Variants in KCTD19 observed in about 807,000 individuals in gnomAD.
KCTD19 encodes BTB/POZ domain-containing protein KCTD19.
KCTD19 carries 67 observed loss-of-function variants against 103.5 expected under a neutral mutation model. The ratio of observed to expected loss-of-function variants is 0.65; its 90% CI spans 0.53 to 0.79. KCTD19 has a LOEUF of 0.79. Among genes scored for constraint, KCTD19 ranks in the 30% least tolerant of loss-of-function variants. The pLI is 0.00. For missense variants in KCTD19, 980 were observed against 1,136.1 expected (o/e 0.86, Z 1.98); for synonymous variants, 439 against 452.2 (o/e 0.97, Z 0.37).
intron 6 of KCTD19, among the ~76,000 whole-genome samples, chr16:67,298,854 G>C (rs1245348453): frequency 6.6e-6 from 1 of 152,208 alleles, no homozygotes; most frequent in Non-Finnish European, 1.5e-5. Context: ...CTGCACTAAT[G>C]AGGACATCCT....
chr16:67,320,838 G>T lies in KCTD19; in HGVS notation c.51C>A (p.Phe17Leu). 1 of 1,614,074 alleles carries T rather than the reference G, an allele frequency of 6.2e-7. No individual in the cohort carries two copies. Among genetic ancestry groups the T allele is most frequent in the South Asian group, 1.1e-5 (1 of 91,078 alleles). ...CTGAGAAATGCCAGCCCCCTACGTT[G>T]AAATGAAACAAGTCCTCTGCTGATT... Reference protein sequence around the residue: ...AHESAEDLFHFNVGGWHFSVP... With the variant: ...AHESAEDLFHLNVGGWHFSVP... The change falls in exon 2 of 16, where the codon TTC (phenylalanine) becomes TTA (leucine). Residue 17 changes from phenylalanine to leucine, a missense_variant. Transcript: ENST00000304372. The surrounding 1 kb of genome is among the most constrained non-coding windows in gnomAD (Gnocchi z 4.0).
rs1443857124 is a variant in KCTD19 at position 67,294,045 on chromosome 16, C to T, written c.1717G>A (p.Val573Met). Residue 573 changes from valine (V) to methionine (M), a missense_variant, in exon 12 of 16, where the codon GTG becomes ATG. By Grantham distance (21) the Val-to-Met change is conservative. Transcript: ENST00000304372. ...EAEQYTRPIQVSLCRNAKRAG... is the reference protein window; with the variant it reads ...EAEQYTRPIQMSLCRNAKRAG... Reference sequence around the variant, plus strand: ...CTCTTGGCATTTCGGCATAGGGACACCTGGATGGGCCGAGTGTACTGCTCA... The same window carrying T: ...CTCTTGGCATTTCGGCATAGGGACATCTGGATGGGCCGAGTGTACTGCTCA... 4.3e-6 allele frequency: 7 copies of T among 1,614,190 alleles called. No individual in the cohort carries two copies. The highest frequency in any genetic ancestry group is 5.1e-6 in the Non-Finnish European group (6 of 1,180,036).
chr16:67,304,514 G>T lies in KCTD19; in HGVS notation c.358C>A (p.Pro120Thr). 1 of 1,613,988 alleles carries T rather than the reference G, an allele frequency of 6.2e-7. No individual in the cohort carries two copies. Among genetic ancestry groups the T allele is most frequent in the Non-Finnish European group, 8.5e-7 (1 of 1,179,870 alleles). The change falls in exon 3 of 16, where the codon CCT becomes ACT. Residue 120 changes from proline (P) to threonine (T), a missense_variant. Coordinates refer to ENST00000304372, the MANE Select transcript of KCTD19 (RefSeq NM_001100915.3). ...HHLRVRPADLPVAERASLNYW... is the reference protein window; with the variant it reads ...HHLRVRPADLTVAERASLNYW... ...TTCAGAGATGCTCTCTCAGCAACAG[G>T]TAGGTCTGCAGGCCGTACGCGTAGA...
intron 2 of KCTD19, among the ~76,000 whole-genome samples, chr16:67,307,077 G>A (rs2036900972): frequency 3.9e-5 from 6 of 151,958 alleles, no homozygotes; most frequent in Admixed American, 3.9e-4. Flanking sequence ...TCATATTTTT[G>A]GGGTACATGT....
intron 2 of KCTD19, among the ~76,000 whole-genome samples, chr16:67,312,475 G>A (rs906290571): frequency 1.3e-5 from 2 of 152,114 alleles, no homozygotes; most frequent in African/African-American, 2.4e-5. Flanking sequence ...CCAGATTCAT[G>A]GATTTACATA....
chr16:67,302,140 G>A, intron 4 of KCTD19: 1 of 439,142 alleles, frequency 2.3e-6, no homozygotes, highest in Non-Finnish European at 4.2e-6. Flanking sequence ...GGCCGTGGGT[G>A]TGGCCTCCCG....
Position 67,293,290 on chromosome 16 carries a change from A to G in KCTD19, c.2218+254T>C, listed in dbSNP as rs538116491. Among the ~76,000 whole-genome samples, 9 of 152,098 alleles carry G rather than the reference A, an allele frequency of 5.9e-5. No homozygotes were observed. The highest frequency in any genetic ancestry group is 2.2e-4 in the African/African-American group (9 of 41,474). ...TTCCCCTGCTGACTCCCCAGCCCTC[A>G]GCCTCTTTTGTGCTCCTGCTTCATA... On this transcript the variant is annotated intron_variant, in intron 12 of 15. Transcript: ENST00000304372. The surrounding 1 kb of genome is among the most constrained non-coding windows in gnomAD (Gnocchi z 4.0).
intron 5 of KCTD19, 32 bp downstream of exon 5, chr16:67,301,759 C>G (rs759032535): frequency 6.2e-6 from 10 of 1,609,612 alleles, no homozygotes; most frequent in Non-Finnish European, 8.5e-6. Context: ...CCAAGACTGT[C>G]GAGGGGGAGC....
chr16:67,290,704 G>A (rs945864085), intron 15 of KCTD19, among the ~76,000 whole-genome samples, 181 bp downstream of exon 15: 1 of 152,242 alleles, frequency 6.6e-6, no homozygotes, highest in South Asian at 2.1e-4. Flanking sequence ...CCTGAATACT[G>A]CTTTTGGACT....
chr16:67,308,554 C>T (rs2036918087), intron 2 of KCTD19, among the ~76,000 whole-genome samples: 1 of 152,252 alleles, frequency 6.6e-6, no homozygotes, highest in Non-Finnish European at 1.5e-5. Flanking sequence ...TCCAAAAACA[C>T]ATCACGTTCT....
At chr16:67,326,612 G>T in intron 1 of KCTD19, 93 bp downstream of exon 1, 1 of 1,511,578 alleles carries the variant, frequency 6.6e-7, no homozygotes, top group South Asian at 1.2e-5. Flanking sequence ...CCCAGAGCCA[G>T]GTCTCGAACC....
chr16:67,297,626 T>C lies in KCTD19; in HGVS notation c.1024A>G (p.Thr342Ala). The change falls in exon 7 of 16, where the codon ACC becomes GCC. Residue 342 changes from threonine to alanine, a missense_variant. By Grantham distance (58) the Thr-to-Ala change is moderately conservative. Transcript: ENST00000304372. ...LGTCRLPLTE[T>A]ISEVYELCAF... ...CAGAGCTCATATACCTCGGAAATGG[T>C]CTCTGTCAGGGGCAGCCGGCAAGTC... is the stretch of plus-strand genomic sequence containing the variant. 6.2e-7 allele frequency: 1 copy of C among 1,614,002 alleles called. No individual in the cohort carries two copies. The highest frequency in any genetic ancestry group is 8.5e-7 in the Non-Finnish European group (1 of 1,179,998).
rs186105104 is a variant in KCTD19 at position 67,310,269 on chromosome 16, C to T, written c.301-5698G>A. Among the ~76,000 whole-genome samples the T allele has an allele frequency of 8.3e-4, 127 of 152,276 alleles. 1 individual carries two copies. The highest frequency in any genetic ancestry group is 6.8e-3 in the Middle Eastern group (2 of 294). ...GGACCTTGGCTGTTTTGTCCTCTGC[C>T]GTATTTGCAGCACCTAAAACAAGGC... On this transcript the variant is annotated intron_variant, in intron 2 of 15. Coordinates refer to ENST00000304372, the MANE Select transcript of KCTD19 (RefSeq NM_001100915.3).
intron 2 of KCTD19, among the ~76,000 whole-genome samples, chr16:67,315,052 A>G (rs1676856728): frequency 6.6e-6 from 1 of 151,354 alleles, no homozygotes; most frequent in South Asian, 2.1e-4. Flanking sequence ...GTAGAGTTGG[A>G]GTCTCACTTT....
chr16:67,307,242 G>A (rs1021016137), intron 2 of KCTD19, among the ~76,000 whole-genome samples: 1 of 150,968 alleles, frequency 6.6e-6, no homozygotes, highest in African/African-American at 2.4e-5. Context: ...TTGACCTACT[G>A]GGCTCAACTG....
Position 67,294,633 on chromosome 16 carries a change from C to T in KCTD19, c.1537G>A (p.Val513Met), listed in dbSNP as rs752476629. Reference sequence around the variant, plus strand: ...AGTGACCCTGGCCCTTCTGTCACCACATGCAGCCTCCTGATGGAAAAAGCT... The same window carrying T: ...AGTGACCCTGGCCCTTCTGTCACCATATGCAGCCTCCTGATGGAAAAAGCT... ...EEAFSIRRLH[V>M]VTEGPGSLVE... is the part of the protein sequence containing the mutation. The change falls in exon 11 of 16, where the codon GTG becomes ATG. Residue 513 changes from valine (V) to methionine (M), a missense_variant. Coordinates refer to ENST00000304372, the MANE Select transcript of KCTD19 (RefSeq NM_001100915.3). The T allele has an allele frequency of 2.5e-6, 4 of 1,614,194 alleles. No individual in the cohort carries two copies. The highest frequency in any genetic ancestry group is 3.4e-6 in the Non-Finnish European group (4 of 1,180,022).
rs1488781051 is a variant in KCTD19 at position 67,296,242 on chromosome 16, T to C, written c.1165A>G (p.Ile389Val). ...MDVLNEWTAE[I>V]TVYSPQQIIK... ...ATCTGTTGTGGGGAATACACAGTGA[T>C]CTCTGCCGTCCACTCATCTATGGGA... Residue 389 changes from isoleucine (I) to valine (V), a missense_variant, in exon 8 of 16, where the codon ATC (isoleucine) becomes GTC (valine). By Grantham distance (29) the Ile-to-Val change is conservative (BLOSUM62 3). Coordinates refer to ENST00000304372, the MANE Select transcript of KCTD19 (RefSeq NM_001100915.3). 5 of 1,612,436 alleles carry C rather than the reference T, an allele frequency of 3.1e-6. No homozygotes were observed. Among genetic ancestry groups the C allele is most frequent in the Non-Finnish European group, 8.5e-7 (1 of 1,178,536 alleles).
At position 67,326,723 on chromosome 16, in the gene KCTD19, A is replaced by G. The variant is rs1567458292; in HGVS notation, c.-16T>C. 1.3e-6 allele frequency: 2 copies of G among 1,574,258 alleles called. No individual in the cohort carries two copies. Among genetic ancestry groups the G allele is most frequent in the East Asian group, 2.5e-5 (1 of 39,856 alleles). Reference sequence around the variant, plus strand: ...TCCGTACCATGGTCGCGGCTCCAGCAGCGGGCGGGCGGGCTTGTGACCCGG... The same window carrying G: ...TCCGTACCATGGTCGCGGCTCCAGCGGCGGGCGGGCGGGCTTGTGACCCGG... On this transcript the variant is annotated 5_prime_UTR_variant, in exon 1 of 16. Coordinates refer to ENST00000304372, the MANE Select transcript of KCTD19 (RefSeq NM_001100915.3).
Position 67,303,148 on chromosome 16 carries a change from A to G in KCTD19, c.641T>C (p.Ile214Thr), listed in dbSNP as rs751396122. Reference protein sequence around the residue: ...IECECSEFRFIVNFLRSQKIL... With the variant: ...IECECSEFRFTVNFLRSQKIL... Reference sequence around the variant, plus strand: ...CCCACCCCGGACAGAGCAATCACCAATGAAGCGGAACTCGCTGCACTCGCA... The same window carrying G: ...CCCACCCCGGACAGAGCAATCACCAGTGAAGCGGAACTCGCTGCACTCGCA... Residue 214 changes from isoleucine to threonine, a missense_variant and splice_region_variant, in exon 4 of 16, where the codon ATT (isoleucine) becomes ACT (threonine). By Grantham distance (89) the Ile-to-Thr change is moderately conservative (BLOSUM62 -1). Coordinates refer to ENST00000304372, the MANE Select transcript of KCTD19 (RefSeq NM_001100915.3). This position sits in a 1 kb window ranked among gnomAD's most constrained non-coding sequence, Gnocchi z 4.3. The G allele has an allele frequency of 1.5e-6, 2 of 1,323,560 alleles. No individual in the cohort carries two copies. The highest frequency in any genetic ancestry group is 2.0e-6 in the Non-Finnish European group (2 of 985,730). The allele number at this position is 1,323,560 out of a possible 1,614,324, so 82.0% of individuals were successfully genotyped here.
Sources: gnomAD v4.1 joint callset for allele counts (sites outside exome capture counted in the v4.1 genomes callset) on GRCh38, gnomAD v4.1.1 for gene constraint, Gnocchi (gnomAD v3.1) non-coding constraint, MANE v1.5 for transcripts, NCBI Gene and HGNC (gene_info 2026-07-23, HGNC 2026-07-21) for gene names.